Variants in NFIA observed in about 807,000 individuals in gnomAD.
The protein encoded by NFIA is nuclear factor 1 A-type.
In NFIA, 8 loss-of-function variants were observed where a neutral mutation model predicts 62.8. The observed-to-expected ratio is 0.13, with a 90% CI of 0.07 to 0.23. NFIA has a LOEUF of 0.23. Ranked by LOEUF, NFIA falls within the 10% of genes least tolerant of loss-of-function variation. NFIA has a pLI of 1.00. For synonymous variants in NFIA, 235 were observed against 238.1 expected (o/e 0.99, Z 0.12); for missense variants, 410 against 642.1 (o/e 0.64, Z 3.91).
At chr1:61,218,461 C>A (rs1653788204) in intron 2 of NFIA, among the ~76,000 whole-genome samples, 6 of 152,190 alleles carry the variant, frequency 3.9e-5, no homozygotes, top group Admixed American at 3.9e-4. Flanking sequence ...TCCTCACAGT[C>A]AGTCCTTCAT....
chr1:61,142,889 G>C lies in NFIA; in HGVS notation c.559+54209G>C, dbSNP rs552067305. On this transcript the variant is annotated intron_variant, in intron 2 of 10. Coordinates refer to ENST00000403491, the MANE Select transcript of NFIA (RefSeq NM_001134673.4). Reference sequence around the variant, plus strand: ...ATGGACCCTCCTTGCTGTGGCTCCTGAACAGTGCAGCCTCTCTTCTGATGC... The same window carrying C: ...ATGGACCCTCCTTGCTGTGGCTCCTCAACAGTGCAGCCTCTCTTCTGATGC... Among the ~76,000 whole-genome samples, 224 of 152,240 alleles carry C rather than the reference G, an allele frequency of 1.5e-3. 1 individual carries two copies. The highest frequency in any genetic ancestry group is 5.2e-3 in the African/African-American group (218 of 41,562).
rs1426934851 is a variant in NFIA, at chr1:61,213,175, G to T, written c.560-64345G>T. Among the ~76,000 whole-genome samples, 8 of 152,206 alleles carry T rather than the reference G, an allele frequency of 5.3e-5. No individual in the cohort carries two copies. In the East Asian group the frequency reaches 1.5e-3, roughly 29 times the overall value. On this transcript the variant is annotated intron_variant, in intron 2 of 10. Transcript: ENST00000403491. ...AAATTTAAAGTGACCCAAGTTTGAT[G>T]TACAGGATATGAAAATGCTGTGGTT... is the stretch of plus-strand genomic sequence containing the variant.
At position 61,426,472 on chromosome 1, in the gene NFIA, G is replaced by A. The variant is rs371393356; in HGVS notation, c.1428G>A (p.Ser476=). Reference sequence around the variant, plus strand: ...TGTCCCTTCCCTTCACAGCCTACTCGACACCCAGCACCTCCCCCGCAAACC... The same window carrying A: ...TGTCCCTTCCCTTCACAGCCTACTCAACACCCAGCACCTCCCCCGCAAACC... ...GAASPTSPTY[S]TPSTSPANRF... Residue 476 remains serine, a synonymous_variant, in exon 10 of 11, where the codon TCG becomes TCA. Transcript: ENST00000403491. 9.3e-5 allele frequency: 145 copies of A among 1,551,436 alleles called. No homozygotes were observed. The highest frequency in any genetic ancestry group is 1.1e-4 in the Non-Finnish European group (129 of 1,146,868).
chr1:61,218,949 C>T (rs1367570350), intron 2 of NFIA, among the ~76,000 whole-genome samples: 2 of 152,184 alleles, frequency 1.3e-5, no homozygotes, highest in Non-Finnish European at 2.9e-5. Flanking sequence ...TTGATCAACT[C>T]AGCCAGGCGT....
intron 3 of NFIA, among the ~76,000 whole-genome samples, chr1:61,306,383 C>G (rs1659802134): frequency 6.9e-6 from 1 of 144,000 alleles, no homozygotes; most frequent in Admixed American, 7.5e-5. Context: ...TCAAGCGATT[C>G]TTGTGCCTCA....
chr1:61,318,457 C>T (rs375565642), intron 3 of NFIA, among the ~76,000 whole-genome samples: 1 of 152,108 alleles, frequency 6.6e-6, no homozygotes, highest in East Asian at 1.9e-4. Context: ...CCAGCAAGAC[C>T]CAGTCCTTAA....
At chr1:61,263,967 G>T (rs1656941817) in intron 2 of NFIA, among the ~76,000 whole-genome samples, 1 of 152,088 alleles carries the variant, frequency 6.6e-6, no homozygotes, top group South Asian at 2.1e-4. Flanking sequence ...TCCAGCCTGG[G>T]TGGCAGAGTG....
intron 3 of NFIA, among the ~76,000 whole-genome samples, chr1:61,321,763 A>G (rs1442207881): frequency 6.6e-6 from 1 of 152,028 alleles, no homozygotes; most frequent in Non-Finnish European, 1.5e-5. Flanking sequence ...CATGGATCTG[A>G]TATTTGCAAA....
At chr1:61,228,682 G>C (rs1409562605) in intron 2 of NFIA, among the ~76,000 whole-genome samples, 1 of 149,614 alleles carries the variant, frequency 6.7e-6, no homozygotes, top group Non-Finnish European at 1.5e-5. Flanking sequence ...TGGGCTTTCT[G>C]TATTTTTTAA....
At chr1:61,447,150 T>G (rs1160463884) in intron 10 of NFIA, among the ~76,000 whole-genome samples, 3 of 152,178 alleles carry the variant, frequency 2.0e-5, no homozygotes, top group Non-Finnish European at 4.4e-5. Context: ...AAAAAAATTG[T>G]GAAGGAAAAG....
chr1:61,290,692 A>G (rs971649886), intron 3 of NFIA, among the ~76,000 whole-genome samples: 2 of 152,250 alleles, frequency 1.3e-5, no homozygotes, highest in African/African-American at 4.8e-5. Flanking sequence ...AGCAGTGCAG[A>G]ACGTCTATGT....
chr1:61,277,630 G>A (rs1216274940), intron 3 of NFIA, 45 bp downstream of exon 3: 4 of 1,597,886 alleles, frequency 2.5e-6, no homozygotes, highest in Non-Finnish European at 2.6e-6. Flanking sequence ...AGAGTCCACA[G>A]CAGCCAGCAG....
In NFIA at chr1:61,206,194, T is replaced by C. The variant is rs575158362; in HGVS notation, c.560-71326T>C. 3.3e-5 allele frequency among the ~76,000 whole-genome samples: 5 copies of C among 152,306 alleles called. No homozygotes were observed. The South Asian group carries it at 8.3e-4, about 25-fold the overall frequency. On this transcript the variant is annotated intron_variant, in intron 2 of 10. Transcript: ENST00000403491. ...TATGTAAGACTTTTTGTTATAAAAA[T>C]TGTTATATAAGACTTTATAAGACAT...
At chr1:61,197,989 GAA>G (rs1042727806) in intron 2 of NFIA, among the ~76,000 whole-genome samples, 1 of 151,974 alleles carries the variant, frequency 6.6e-6, no homozygotes, top group Non-Finnish European at 1.5e-5. Context: ...AAGAAAGAAA[GAA>G]AGAGAGAAAG....
At chr1:61,307,633 C>T (rs1659870835) in intron 3 of NFIA, among the ~76,000 whole-genome samples, 1 of 152,200 alleles carries the variant, frequency 6.6e-6, no homozygotes, top group Non-Finnish European at 1.5e-5. Context: ...CCACATATGA[C>T]TGTGCTTCTG....
intron 10 of NFIA, among the ~76,000 whole-genome samples, chr1:61,454,682 T>C (rs1302424403): frequency 1.3e-5 from 2 of 152,236 alleles, no homozygotes; most frequent in East Asian, 3.8e-4. Flanking sequence ...GGAAAAATAC[T>C]GTGACTTGCT....
intron 2 of NFIA, among the ~76,000 whole-genome samples, chr1:61,254,544 A>G (rs1468476427): frequency 1.3e-5 from 2 of 152,222 alleles, no homozygotes; most frequent in Admixed American, 1.3e-4. Context: ...GATAGGCAAG[A>G]TTAGTACATA....
intron 9 of NFIA, among the ~76,000 whole-genome samples, chr1:61,408,193 A>C (rs889946318): frequency 3.3e-5 from 5 of 152,174 alleles, no homozygotes; most frequent in Non-Finnish European, 7.3e-5. Flanking sequence ...GGGAAGACCT[A>C]CTTCTCTTGG....
intron 2 of NFIA, among the ~76,000 whole-genome samples, chr1:61,252,559 A>G (rs937831541): frequency 2.6e-5 from 4 of 152,270 alleles, no homozygotes; most frequent in Non-Finnish European, 5.9e-5. Flanking sequence ...GGTTGTAAAA[A>G]TAAGAGTTTT....
Sources: allele counts gnomAD v4.1 joint callset (sites outside exome capture counted in the v4.1 genomes callset), GRCh38; gene constraint gnomAD v4.1.1; transcripts MANE v1.5; gene names NCBI Gene and HGNC (gene_info 2026-07-23, HGNC 2026-07-21).